Variants in RCL1 observed in about 807,000 individuals in gnomAD.
RCL1 encodes RNA terminal phosphate cyclase like 1.
In RCL1, 24 loss-of-function variants were observed where a neutral mutation model predicts 42.4. The observed-to-expected ratio is 0.57, with a 90% CI of 0.41 to 0.80. The LOEUF (loss-of-function observed/expected upper bound fraction) is 0.80. RCL1 is among the 30% of genes least tolerant of loss of function. The pLI, the probability that RCL1 is intolerant of heterozygous loss-of-function variation, is 0.00. For missense variants in RCL1, 578 were observed against 467.9 expected, an observed-to-expected ratio of 1.24 and a Z score of -2.17; for synonymous variants, 228 against 177.3, an observed-to-expected ratio of 1.29 and a Z score of -2.27.
intron 5 of RCL1, among the ~76,000 whole-genome samples, chr9:4,838,570 C>G (rs765497052): frequency 3.5e-5 from 4 of 112,962 alleles, no homozygotes; most frequent in South Asian, 3.1e-4. Context: ...CAAGCTCTCT[C>G]TCCACCTACT....
intron 1 of RCL1, among the ~76,000 whole-genome samples, chr9:4,809,220 C>T (rs115581053): frequency 0.011 from 1,712 of 152,178 alleles, 33 homozygotes; most frequent in African/African-American, 0.039. Context: ...AATAAAGCAG[C>T]AGTAAAGTTT....
rs1208798944 is a variant in RCL1, at chr9:4,817,605, C to T, written c.137-5943C>T. ...CCTCCTGCCTCAGCTCTACCTCAACCCTGCCCCCCTGAGTAGCTGGGACTG... is the reference window on the plus strand; with the variant it reads ...CCTCCTGCCTCAGCTCTACCTCAACTCTGCCCCCCTGAGTAGCTGGGACTG... On this transcript the variant is annotated intron_variant, in intron 1 of 8. Transcript: ENST00000381750. 5.3e-5 allele frequency among the ~76,000 whole-genome samples: 8 copies of T among 151,982 alleles called. No individual in the cohort carries two copies. The East Asian group carries it at 1.5e-3, about 29-fold the overall frequency.
intron 3 of RCL1, among the ~76,000 whole-genome samples, chr9:4,827,761 C>CGCGTGTGT (rs1554639330): frequency 2.7e-5 from 4 of 147,558 alleles, no homozygotes; most frequent in Non-Finnish European, 6.0e-5. Flanking sequence ...TGTGTGCACG[C>CGCGTGTGT]GTGTGTGTGT....
intron 5 of RCL1, among the ~76,000 whole-genome samples, chr9:4,835,928 C>T (rs1458342476): frequency 6.6e-6 from 1 of 152,100 alleles, no homozygotes; most frequent in African/African-American, 2.4e-5. Flanking sequence ...TTCAAGGCCA[C>T]AGGCATACGG....
chr9:4,835,712 G>A (rs906040668), intron 5 of RCL1, among the ~76,000 whole-genome samples: 5 of 152,214 alleles, frequency 3.3e-5, no homozygotes, highest in Admixed American at 2.6e-4. Flanking sequence ...CGTGGGTGCC[G>A]ACGCCGGCTG....
In RCL1 at chr9:4,860,560, A is replaced by G. The variant is rs1312279458; in HGVS notation, c.*285A>G. On this transcript the variant is annotated 3_prime_UTR_variant, in exon 9 of 9. Transcript: ENST00000381750. The stretch of plus-strand genomic sequence containing the variant: ...CTTCAGGCCACAGTCGTGCTGCTAG[A>G]ACAGTCTCGTAGCTGCAGTTCAGCT... The G allele has an allele frequency of 2.7e-6, 1 of 369,026 alleles. No individual in the cohort carries two copies. Among genetic ancestry groups the G allele is most frequent in the African/African-American group, 2.1e-5 (1 of 46,518 alleles). 22.9% of individuals were successfully genotyped at this position (369,026 alleles called of 1,614,324 possible).
At chr9:4,849,709 A>C (rs1817657352) in intron 8 of RCL1, among the ~76,000 whole-genome samples, 159 bp downstream of exon 8, 1 of 152,138 alleles carries the variant, frequency 6.6e-6, no homozygotes, top group African/African-American at 2.4e-5. Context: ...CCTGGTGTTT[A>C]TTTTTACATA....
At chr9:4,838,112 T>G (rs1393357537) in intron 5 of RCL1, among the ~76,000 whole-genome samples, 1 of 152,238 alleles carries the variant, frequency 6.6e-6, no homozygotes, top group East Asian at 1.9e-4. Flanking sequence ...TTTGTGGTTT[T>G]TTTCCTTGCA....
intron 7 of RCL1, among the ~76,000 whole-genome samples, chr9:4,848,312 T>C (rs1441551884): frequency 6.6e-6 from 1 of 152,234 alleles, no homozygotes; most frequent in Admixed American, 6.5e-5. Flanking sequence ...CAATAGATTT[T>C]CATAAAGGCT....
At chr9:4,853,471 G>A (rs958394154) in intron 8 of RCL1, among the ~76,000 whole-genome samples, 49 of 152,118 alleles carry the variant, frequency 3.2e-4, no homozygotes, top group African/African-American at 3.6e-4. Context: ...ACAGGCGCCC[G>A]CCACCATGCC....
At chr9:4,841,575 G>A (rs377532350) in intron 6 of RCL1, among the ~76,000 whole-genome samples, 11 of 152,206 alleles carry the variant, frequency 7.2e-5, no homozygotes, top group East Asian at 3.8e-4. Flanking sequence ...CTAAGGGTCT[G>A]GTTCCTAGCC....
chr9:4,828,502 T>G (rs971187970), intron 3 of RCL1, among the ~76,000 whole-genome samples: 1 of 152,016 alleles, frequency 6.6e-6, no homozygotes, highest in African/African-American at 2.4e-5. Flanking sequence ...ATTCTTAAGC[T>G]GTAAAGGAAT....
chr9:4,843,038 G>C (rs1038907116), intron 6 of RCL1, among the ~76,000 whole-genome samples: 1 of 152,200 alleles, frequency 6.6e-6, no homozygotes, highest in African/African-American at 2.4e-5. Flanking sequence ...ACATGGACAT[G>C]ATGTAGACTG....
intron 6 of RCL1, among the ~76,000 whole-genome samples, chr9:4,843,450 A>G (rs935261394): frequency 1.3e-5 from 2 of 152,118 alleles, no homozygotes; most frequent in Non-Finnish European, 2.9e-5. Context: ...ATACCAGTGC[A>G]TATCTCTAAT....
At chr9:4,827,204 A>C (rs1401074740) in intron 3 of RCL1, 171 bp downstream of exon 3, 1 of 1,533,504 alleles carries the variant, frequency 6.5e-7, no homozygotes, top group South Asian at 1.2e-5. Flanking sequence ...ATGAACCAAA[A>C]CTTAGGATCA....
rs553890084 is a variant in RCL1 at position 4,826,178 on chromosome 9, T to G, written c.209-680T>G. 2.0e-5 allele frequency among the ~76,000 whole-genome samples: 3 copies of G among 152,168 alleles called. No homozygotes were observed. The South Asian group carries it at 6.2e-4, about 32-fold the overall frequency. On this transcript the variant is annotated intron_variant, in intron 2 of 8. Transcript: ENST00000381750. The stretch of plus-strand genomic sequence containing the variant: ...TGGGAGGATTGCTTGGCTCTGGAGG[T>G]TGAGCTGCAGCAAGCTGTGATCATG...
At chr9:4,841,144 C>T in intron 5 of RCL1, 88 bp from the exon 6 acceptor site, 1 of 1,443,562 alleles carries the variant, frequency 6.9e-7, no homozygotes, top group Non-Finnish European at 9.7e-7. Context: ...TTTGTTACTA[C>T]AGTTCCACAA....
chr9:4,850,263 G>A (rs778640070), intron 8 of RCL1: 1 of 528,086 alleles, frequency 1.9e-6, no homozygotes, highest in African/African-American at 1.9e-5. Context: ...GGTGAGCTGG[G>A]TGGCAGGGAA....
At position 4,860,259 on chromosome 9, in the gene RCL1, G is replaced by C. The variant is rs1587742029; in HGVS notation, c.1106G>C (p.Ser369Thr). The part of the protein sequence containing the change: ...TCVGIGFSNL[S>T]KTLK ...GTTGGCATTGGTTTCTCCAACCTTA[G>C]CAAGACCCTCAAGTGATAACCATCA... Residue 369 changes from serine (S) to threonine (T), a missense_variant, in exon 9 of 9, where the codon AGC (serine) becomes ACC (threonine). Coordinates refer to ENST00000381750, the MANE Select transcript of RCL1 (RefSeq NM_005772.5). The C allele has an allele frequency of 1.9e-6, 3 of 1,613,338 alleles. No homozygotes were observed. Among genetic ancestry groups the C allele is most frequent in the Non-Finnish European group, 1.7e-6 (2 of 1,179,766 alleles).
Sources: allele counts gnomAD v4.1 joint callset (sites outside exome capture counted in the v4.1 genomes callset), GRCh38; gene constraint gnomAD v4.1.1; transcripts MANE v1.5; gene names NCBI Gene and HGNC (gene_info 2026-07-23, HGNC 2026-07-21).